Variants in COL9A1 observed in about 807,000 individuals in gnomAD.
COL9A1 encodes the protein collagen type IX alpha 1 chain, also known as collagen alpha-1(IX) chain.
In COL9A1, 104 loss-of-function variants were observed where a neutral mutation model predicts 142.6. The observed-to-expected ratio is 0.73, with a 90% confidence interval of 0.62 to 0.86. The LOEUF is 0.86. Ranked by LOEUF, COL9A1 falls within the 40% of genes least tolerant of loss-of-function variation. COL9A1 has a pLI of 0.00. For missense variants in COL9A1, 1,210 were observed against 1,176.6 expected, an observed-to-expected ratio of 1.03 and a Z score of -0.42; for synonymous variants, 466 against 396.0, an observed-to-expected ratio of 1.18 and a Z score of -2.10.
chr6:70,239,263 T>C lies in COL9A1; in HGVS notation c.2103A>G (p.Pro701=). The part of the protein sequence containing the change: ...GELGDIGLPG[P]KGSAGNPGEP... ...TATTCACCATACTTACAGATCCCTTTGGGCCAGGTAATCCTATATCTCCCT... is the reference window on the plus strand; with the variant it reads ...TATTCACCATACTTACAGATCCCTTCGGGCCAGGTAATCCTATATCTCCCT... The change falls in exon 33 of 38, where the codon CCA becomes CCG. Residue 701 remains proline, a synonymous_variant. Coordinates refer to ENST00000357250, the MANE Select transcript of COL9A1 (RefSeq NM_001851.6). The C allele has an allele frequency of 6.4e-7, 1 of 1,558,158 alleles. No individual in the cohort carries two copies. Among genetic ancestry groups the C allele is most frequent in the African/African-American group, 1.4e-5 (1 of 73,836 alleles).
intron 30 of COL9A1, 118 bp from the exon 31 acceptor site, chr6:70,241,572 T>C (rs777607529): frequency 4.9e-6 from 4 of 821,878 alleles, no homozygotes; most frequent in Non-Finnish European, 6.2e-6. Context: ...GGAGAGGACG[T>C]TCCCACTCCT....
At position 70,303,013 on chromosome 6, in the gene COL9A1, T is replaced by C; in HGVS notation, c.-89A>G. 1 of 1,370,822 alleles carries C rather than the reference T, an allele frequency of 7.3e-7. No individual in the cohort carries two copies. The highest frequency in any genetic ancestry group is 1.0e-6 in the Non-Finnish European group (1 of 958,472). The allele number at this position is 1,370,822 out of a possible 1,614,324, so 84.9% of individuals were successfully genotyped here. On this transcript the variant is annotated 5_prime_UTR_variant, in exon 1 of 38. Transcript: ENST00000357250. ...CTGTCCCCTCACGACCCCTTCACTG[T>C]TACCCTAGGACTATGTGTTCTGGGC...
intron 28 of COL9A1, among the ~76,000 whole-genome samples, chr6:70,249,339 G>A (rs1357329980): frequency 1.3e-5 from 2 of 152,080 alleles, no homozygotes; most frequent in African/African-American, 4.8e-5. Flanking sequence ...ACTGATGTTC[G>A]TGCAGGACAG....
Position 70,281,009 on chromosome 6 carries a change from G to T in COL9A1, c.907C>A (p.Pro303Thr), listed in dbSNP as rs759319053. 2 of 1,613,312 alleles carry T rather than the reference G, an allele frequency of 1.2e-6. No homozygotes were observed. The highest frequency in any genetic ancestry group is 2.2e-5 in the East Asian group (1 of 44,860). ...GDRGPKGPPG[P>T]PGPAGEPGKP... ...ATATGCTCCAATCAACTTACCGGGG[G>T]GCCCGGGGGGCCCTTAGGACCTCGG... The change falls in exon 9 of 38, where the codon CCC becomes ACC. Residue 303 changes from proline (P) to threonine (T), a missense_variant. Transcript: ENST00000357250.
rs1295350283 is a variant in COL9A1, at chr6:70,300,085, G to A, written c.257C>T (p.Ala86Val). 12 of 1,613,802 alleles carry A rather than the reference G, an allele frequency of 7.4e-6. No homozygotes were observed. The highest frequency in any genetic ancestry group is 1.0e-5 in the Non-Finnish European group (12 of 1,179,920). The change falls in exon 4 of 38, where the codon GCT becomes GTT. Residue 86 changes from alanine to valine, a missense_variant. Transcript: ENST00000357250. Reference sequence around the variant, plus strand: ...GTCTACATTATTTCCCAACTTGTAAGCCACCTGCAATGTAGCTGATCCCAC... The same window carrying A: ...GTCTACATTATTTCCCAACTTGTAAACCACCTGCAATGTAGCTGATCCCAC... ...RVVGSATLQVAYKLGNNVDFR... is the reference protein window; with the variant it reads ...RVVGSATLQVVYKLGNNVDFR...
intron 20 of COL9A1, among the ~76,000 whole-genome samples, chr6:70,257,116 A>G (rs1470070509): frequency 7.5e-6 from 1 of 133,314 alleles, no homozygotes; most frequent in South Asian, 2.3e-4. Flanking sequence ...GCTGGAGTGC[A>G]GTGGCGCCAT....
In COL9A1 at chr6:70,234,479, T is replaced by A. The variant is rs1769767428; in HGVS notation, c.2314+60A>T. The A allele has an allele frequency of 1.9e-6, 3 of 1,559,922 alleles. No homozygotes were observed. The East Asian group carries it at 6.7e-5, about 35-fold the overall frequency. The stretch of plus-strand genomic sequence containing the variant: ...GTTTACCCTTGTGTATCTACAAGAA[T>A]AAAATCTTAAGAAACAAGAGTTGAT... On this transcript the variant is annotated intron_variant, in intron 35 of 37. Transcript: ENST00000357250.
intron 21 of COL9A1, among the ~76,000 whole-genome samples, chr6:70,255,732 G>T (rs1277546149): frequency 6.6e-6 from 1 of 152,128 alleles, no homozygotes; most frequent in Non-Finnish European, 1.5e-5. Flanking sequence ...TGTTATAGAG[G>T]TTTGAGGTTT....
chr6:70,284,098 A>G (rs1029506400), intron 5 of COL9A1, among the ~76,000 whole-genome samples: 2 of 152,188 alleles, frequency 1.3e-5, no homozygotes, highest in South Asian at 4.1e-4. Flanking sequence ...ACCAGCACTG[A>G]CTTTCTATTT....
chr6:70,221,794 G>A (rs887941268), intron 37 of COL9A1, among the ~76,000 whole-genome samples: 1 of 152,114 alleles, frequency 6.6e-6, no homozygotes, highest in African/African-American at 2.4e-5. Flanking sequence ...TCAGAGTGAC[G>A]AGGAACTAGT....
intron 33 of COL9A1, among the ~76,000 whole-genome samples, chr6:70,238,634 A>T (rs1019261907): frequency 6.1e-4 from 93 of 152,352 alleles, no homozygotes; most frequent in African/African-American, 1.9e-3. Flanking sequence ...TCAGTTCTTT[A>T]AAAATGACCC....
chr6:70,239,841 C>G (rs1770132272), intron 32 of COL9A1, among the ~76,000 whole-genome samples: 1 of 152,154 alleles, frequency 6.6e-6, no homozygotes, highest in African/African-American at 2.4e-5. Context: ...TTTAAAACAT[C>G]ACGTTACCCT....
chr6:70,268,949 G>A (rs1772219991), intron 16 of COL9A1, 89 bp from the exon 17 acceptor site: 1 of 1,084,340 alleles, frequency 9.2e-7, no homozygotes, highest in African/African-American at 1.5e-5. Flanking sequence ...CTTTTTTAAG[G>A]GATTCCAGTT....
chr6:70,232,232 A>G (rs918165639), intron 36 of COL9A1, among the ~76,000 whole-genome samples: 1 of 152,242 alleles, frequency 6.6e-6, no homozygotes, highest in African/African-American at 2.4e-5. Flanking sequence ...CAATGACTTT[A>G]GGGTCTCAAA....
rs549742 is a variant in COL9A1, at chr6:70,269,580, G to A, written c.1230+53C>T. ...TCTTTTAAAGAAAACTCATCTGCAG[G>A]CTATATGGTCTTTGAATTAAAACTA... is the stretch of plus-strand genomic sequence containing the variant. On this transcript the variant is annotated intron_variant, in intron 16 of 37. Coordinates refer to ENST00000357250, the MANE Select transcript of COL9A1 (RefSeq NM_001851.6). The A allele has an allele frequency of 0.031, 36,829 of 1,188,098 alleles. 1,924 individuals carry two copies. The highest frequency in any genetic ancestry group is 0.18 in the African/African-American group (12,301 of 67,070). 73.6% of individuals were successfully genotyped at this position (1,188,098 alleles called of 1,614,324 possible). A position where few individuals can be genotyped will look rare whatever the true frequency, so the allele number is the denominator to read the frequency against.
intron 12 of COL9A1, 106 bp from the exon 13 acceptor site, chr6:70,272,194 A>C (rs1772449255): frequency 2.3e-6 from 2 of 885,558 alleles, no homozygotes; most frequent in Non-Finnish European, 3.5e-6. Flanking sequence ...TATTACTAAA[A>C]ATGATGCTCA....
At chr6:70,241,856 G>A in intron 30 of COL9A1, 108 bp downstream of exon 30, 1 of 962,648 alleles carries the variant, frequency 1.0e-6, no homozygotes, top group Non-Finnish European at 1.6e-6. Flanking sequence ...AGCTGTTTAT[G>A]ATAAATTCTA....
rs1398491945 is a variant in COL9A1 at position 70,252,273 on chromosome 6, A to C, written c.1807T>G (p.Ser603Ala). Reference sequence around the variant, plus strand: ...AAATGGTGTCTTACCGGTTTGCCTGAATTTCCCATCTGACCAGGCTTCCCT... The same window carrying C: ...AAATGGTGTCTTACCGGTTTGCCTGCATTTCCCATCTGACCAGGCTTCCCT... ...APGKPGQMGN[S>A]GKPGQQGPPG... is the part of the protein sequence containing the mutation. Residue 603 changes from serine to alanine, a missense_variant, in exon 27 of 38, where the codon TCA becomes GCA. Ser to Ala is a moderately conservative substitution (Grantham distance 99). Transcript: ENST00000357250. 1.2e-6 allele frequency: 2 copies of C among 1,614,192 alleles called. No homozygotes were observed. The highest frequency in any genetic ancestry group is 1.7e-5 in the Admixed American group (1 of 60,022).
At chr6:70,294,129 T>C (rs939782166) in intron 5 of COL9A1, 38 bp downstream of exon 5, 4 of 1,612,440 alleles carry the variant, frequency 2.5e-6, no homozygotes, top group Non-Finnish European at 3.4e-6. Flanking sequence ...CAATCTAGTT[T>C]TGCTTTAATC....
Sources: gnomAD v4.1 joint callset for allele counts (sites outside exome capture counted in the v4.1 genomes callset) on GRCh38, gnomAD v4.1.1 for gene constraint, MANE v1.5 for transcripts, NCBI Gene and HGNC (gene_info 2026-07-23, HGNC 2026-07-21) for gene names.